CYB5R4: variants seen among roughly 807,000 people sequenced by gnomAD.
CYB5R4 encodes cytochrome b5 reductase 4.
Under a neutral mutation model 70.2 loss-of-function variants are expected in CYB5R4, and 55 were observed. The observed-to-expected ratio is 0.78, with a 90% CI of 0.63 to 0.98. CYB5R4 has a LOEUF of 0.98. Ranked by LOEUF, CYB5R4 falls within the 50% of genes least tolerant of loss-of-function variation. CYB5R4 has a pLI of 0.00. For synonymous variants in CYB5R4, 197 were observed against 199.5 expected (o/e 0.99, Z 0.11); for missense variants, 562 against 612.6 (o/e 0.92, Z 0.87).
At chr6:83,924,142 CT>C (rs35960110) in intron 9 of CYB5R4, among the ~76,000 whole-genome samples, 1,607 of 129,892 alleles carry the variant, frequency 0.012, 19 homozygotes, top group African/African-American at 0.031. Context: ...ACATCTCAAC[CT>C]TTTTTTTTTT....
chr6:83,869,610 C>A (rs2099457259), intron 2 of CYB5R4, among the ~76,000 whole-genome samples: 1 of 152,170 alleles, frequency 6.6e-6, no homozygotes, highest in African/African-American at 2.4e-5. Flanking sequence ...AGGCGGATCA[C>A]CTGAGGTCAC....
intron 14 of CYB5R4, among the ~76,000 whole-genome samples, chr6:83,950,300 T>G (rs2099471325): frequency 6.6e-6 from 1 of 152,194 alleles, no homozygotes; most frequent in Non-Finnish European, 1.5e-5. Flanking sequence ...TCTTATCCTT[T>G]TTTTCTTACG....
intron 1 of CYB5R4, 52 bp downstream of exon 1, chr6:83,859,909 C>G (rs1409648994): frequency 6.6e-7 from 1 of 1,520,582 alleles, no homozygotes; most frequent in South Asian, 1.2e-5. Context: ...CGAGCTCTGG[C>G]AGTGTGTTCT....
rs146310725 is a variant in CYB5R4, at chr6:83,895,617, G to A, written c.330+1995G>A. ...CAAGAAGAATTTCCAATAAAGTCTA[G>A]TCTTATTTCTGTTCTTGAGTGTTAT... On this transcript the variant is annotated intron_variant, in intron 3 of 15. Transcript: ENST00000369681. Among the ~76,000 whole-genome samples the A allele has an allele frequency of 2.0e-4, 30 of 152,234 alleles. No homozygotes were observed. The East Asian group carries it at 5.8e-3, about 29-fold the overall frequency.
At chr6:83,896,475 A>G (rs1331138570) in intron 3 of CYB5R4, among the ~76,000 whole-genome samples, 1 of 152,102 alleles carries the variant, frequency 6.6e-6, no homozygotes, top group Non-Finnish European at 1.5e-5. Flanking sequence ...CTCTATGTCA[A>G]TGAGATCAAA....
rs887178323 is a variant in CYB5R4 at position 83,879,197 on chromosome 6, C to G, written c.230-14325C>G. On this transcript the variant is annotated intron_variant, in intron 2 of 15. Transcript: ENST00000369681. ...CTCAATGCAGCATCTAGAATGCAGG[C>G]AGGTTTCATGAGCCTCTTCCCTTTG... Among the ~76,000 whole-genome samples the G allele has an allele frequency of 2.6e-5, 4 of 152,032 alleles. No individual in the cohort carries two copies. In the East Asian group the frequency reaches 7.7e-4, roughly 29 times the overall value.
At chr6:83,901,750 C>T (rs2129136276) in intron 3 of CYB5R4, among the ~76,000 whole-genome samples, 1 of 150,010 alleles carries the variant, frequency 6.7e-6, no homozygotes, top group East Asian at 2.0e-4. Flanking sequence ...AGGATGATGT[C>T]TAATTATGGT....
At chr6:83,863,186 A>G (rs1181181077) in intron 1 of CYB5R4, among the ~76,000 whole-genome samples, 1 of 152,230 alleles carries the variant, frequency 6.6e-6, no homozygotes, top group African/African-American at 2.4e-5. Flanking sequence ...CCATCCTGTT[A>G]CTAAGTTCCC....
At chr6:83,898,110 G>C (rs899781286) in intron 3 of CYB5R4, among the ~76,000 whole-genome samples, 4 of 152,166 alleles carry the variant, frequency 2.6e-5, no homozygotes, top group African/African-American at 9.7e-5. Context: ...AAACATTTAA[G>C]TCTTTAATCC....
At chr6:83,913,145 A>G (rs1299927083) in intron 4 of CYB5R4, among the ~76,000 whole-genome samples, 1 of 152,216 alleles carries the variant, frequency 6.6e-6, no homozygotes, top group Non-Finnish European at 1.5e-5. Flanking sequence ...AAGATAAAAC[A>G]AATAATCACA....
intron 10 of CYB5R4, among the ~76,000 whole-genome samples, chr6:83,928,191 A>T (rs963351211): frequency 1.3e-5 from 2 of 152,208 alleles, no homozygotes; most frequent in Admixed American, 1.3e-4. Context: ...ATTTGTAGAT[A>T]ATTTTCAGAA....
At chr6:83,908,094 A>G (rs1225471515) in intron 3 of CYB5R4, among the ~76,000 whole-genome samples, 1 of 143,874 alleles carries the variant, frequency 7.0e-6, no homozygotes, top group African/African-American at 2.9e-5. Flanking sequence ...CAGTCTCACC[A>G]ACAGTTGTAT....
chr6:83,886,257 A>G (rs1373282904), intron 2 of CYB5R4, among the ~76,000 whole-genome samples: 1 of 152,184 alleles, frequency 6.6e-6, no homozygotes, highest in African/African-American at 2.4e-5. Context: ...CCATTAATTC[A>G]TGAATCTGCC....
intron 15 of CYB5R4, among the ~76,000 whole-genome samples, chr6:83,959,521 C>T (rs983107494): frequency 2.0e-5 from 3 of 151,974 alleles, no homozygotes; most frequent in Non-Finnish European, 2.9e-5. Flanking sequence ...CAAAGGATGC[C>T]TAAAAGACTT....
chr6:83,933,124 C>G (rs1349418388), intron 10 of CYB5R4, among the ~76,000 whole-genome samples: 2 of 152,142 alleles, frequency 1.3e-5, no homozygotes, highest in Non-Finnish European at 2.9e-5. Context: ...TTCATTTCTC[C>G]TTGTGCATGG....
At chr6:83,909,475 G>C (rs9344375) in intron 4 of CYB5R4, among the ~76,000 whole-genome samples, 23,795 of 151,978 alleles carry the variant, frequency 0.16, 3,644 homozygotes, top group African/African-American at 0.38. Flanking sequence ...CCGACTCTGC[G>C]CCTTCACTAT....
rs1316680585 is a variant in CYB5R4 at position 83,940,250 on chromosome 6, A to G, written c.1259+44A>G. Reference sequence around the variant, plus strand: ...AATTACGATCCTTTTTGAGGCTGTTATATTAGTATAAGGTATTCTAAATTG... The same window carrying G: ...AATTACGATCCTTTTTGAGGCTGTTGTATTAGTATAAGGTATTCTAAATTG... On this transcript the variant is annotated intron_variant, in intron 13 of 15. Transcript: ENST00000369681. The G allele has an allele frequency of 2.6e-6, 4 of 1,542,026 alleles. No individual in the cohort carries two copies. In the East Asian group the frequency reaches 6.8e-5, roughly 26 times the overall value.
At chr6:83,876,385 G>T (rs145948950) in intron 2 of CYB5R4, among the ~76,000 whole-genome samples, 1 of 152,050 alleles carries the variant, frequency 6.6e-6, no homozygotes, top group African/African-American at 2.4e-5. Flanking sequence ...CAAGTGTGAT[G>T]CAGTGAATTC....
chr6:83,895,389 C>T (rs1376404855), intron 3 of CYB5R4, among the ~76,000 whole-genome samples: 3 of 152,142 alleles, frequency 2.0e-5, no homozygotes, highest in African/African-American at 7.2e-5. Flanking sequence ...TGGTCTTGAA[C>T]TCTTGGCCTT....
Sources: allele counts gnomAD v4.1 joint callset (sites outside exome capture counted in the v4.1 genomes callset), GRCh38; gene constraint gnomAD v4.1.1; transcripts MANE v1.5; gene names NCBI Gene and HGNC (gene_info 2026-07-23, HGNC 2026-07-21).